The following JAKMIP2 variants were observed in gnomAD, a reference collection of about 807,000 sequenced individuals.
The protein encoded by JAKMIP2 is janus kinase and microtubule-interacting protein 2.
JAKMIP2 carries 25 observed loss-of-function variants against 115.0 expected under a neutral mutation model. The observed-to-expected ratio is 0.22, with a 90% CI of 0.16 to 0.30. JAKMIP2 has a LOEUF of 0.30. Among genes scored for constraint, JAKMIP2 ranks in the 10% least tolerant of loss-of-function variants. JAKMIP2 has a pLI of 1.00. For synonymous variants in JAKMIP2, 334 were observed against 343.6 expected (o/e 0.97, Z 0.31); for missense variants, 642 against 957.6 (o/e 0.67, Z 4.35).
At chr5:147,736,364 G>T (rs538509853) in intron 1 of JAKMIP2, among the ~76,000 whole-genome samples, 1 of 152,116 alleles carries the variant, frequency 6.6e-6, no homozygotes, top group East Asian at 1.9e-4. Context: ...GAGAGGCTGA[G>T]GTAAAACTGC....
chr5:147,715,223 A>G (rs908755232), intron 1 of JAKMIP2, among the ~76,000 whole-genome samples: 5 of 152,114 alleles, frequency 3.3e-5, no homozygotes, highest in African/African-American at 1.2e-4. Context: ...AAATAAATCA[A>G]TAAAGGAACG....
chr5:147,626,646 C>CTTGGTTCTGATAAGCACAGTTG lies in JAKMIP2; in HGVS notation c.1995+2083_1995+2104dup, dbSNP rs1554073845. The stretch of plus-strand genomic sequence containing the variant: ...ATCTCAAAAGGAGCACTGCGCAAGT[C>CTTGGTTCTGATAAGCACAGTTG]TTGGTTCTGATAAGCACAGTTGTTG... On this transcript the variant is annotated intron_variant, in intron 16 of 21. Transcript: ENST00000616793. 2.0e-5 allele frequency among the ~76,000 whole-genome samples: 3 copies of CTTGGTTCTGATAAGCACAGTTG among 152,340 alleles called. No individual in the cohort carries two copies. In the East Asian group the frequency reaches 5.8e-4, roughly 29 times the overall value.
intron 1 of JAKMIP2, among the ~76,000 whole-genome samples, chr5:147,768,717 T>C (rs1376733287): frequency 6.6e-6 from 1 of 152,160 alleles, no homozygotes; most frequent in African/African-American, 2.4e-5. Context: ...TAATTCACAC[T>C]CTGCTTTTAC....
In JAKMIP2 at chr5:147,718,683, C is replaced by T. The variant is rs185830476; in HGVS notation, c.-148-46729G>A. 8.2e-3 allele frequency among the ~76,000 whole-genome samples: 1,242 copies of T among 152,136 alleles called. 25 individuals are homozygous for T. The highest frequency in any genetic ancestry group is 0.028 in the African/African-American group (1,169 of 41,462). On this transcript the variant is annotated intron_variant, in intron 1 of 21. Coordinates refer to ENST00000616793, the MANE Select transcript of JAKMIP2 (RefSeq NM_001270941.2). ...ATGGTAGTTTGTATTTCTGTGGGATCGGTCGTGATATCCCCTTTAGCATTT... is the reference window on the plus strand; with the variant it reads ...ATGGTAGTTTGTATTTCTGTGGGATTGGTCGTGATATCCCCTTTAGCATTT...
At chr5:147,650,267 TA>T in intron 4 of JAKMIP2, 70 bp downstream of exon 4, 2 of 958,270 alleles carry the variant, frequency 2.1e-6, no homozygotes, top group Non-Finnish European at 3.4e-6. Flanking sequence ...AGAGCTTAAG[TA>T]AAAGGTAAAA....
At chr5:147,614,758 T>C (rs998310551) in intron 19 of JAKMIP2, among the ~76,000 whole-genome samples, 2 of 152,222 alleles carry the variant, frequency 1.3e-5, no homozygotes, top group Non-Finnish European at 2.9e-5. Context: ...GGCCCTTTCT[T>C]AGCTCTGCAA....
intron 1 of JAKMIP2, among the ~76,000 whole-genome samples, chr5:147,695,527 T>C (rs766496964): frequency 4.6e-5 from 7 of 152,182 alleles, no homozygotes; most frequent in Non-Finnish European, 7.3e-5. Context: ...ACTTCTCCAA[T>C]AGTAGCATCC....
intron 1 of JAKMIP2, among the ~76,000 whole-genome samples, chr5:147,771,224 A>T (rs747415129): frequency 4.6e-5 from 7 of 152,152 alleles, no homozygotes; most frequent in Non-Finnish European, 1.0e-4. Flanking sequence ...TTAAGGTCAG[A>T]ATCTCGTTCC....
chr5:147,701,119 A>G (rs1388368281), intron 1 of JAKMIP2, among the ~76,000 whole-genome samples: 1 of 152,208 alleles, frequency 6.6e-6, no homozygotes, highest in Non-Finnish European at 1.5e-5. Flanking sequence ...CATAAAGGAA[A>G]AAGTCTCAAA....
Position 147,677,988 on chromosome 5 carries a change from C to G in JAKMIP2, c.-148-6034G>C, listed in dbSNP as rs116415595. 9.3e-3 allele frequency among the ~76,000 whole-genome samples: 1,410 copies of G among 152,192 alleles called. 17 individuals are homozygous for G. Among genetic ancestry groups the G allele is most frequent in the Middle Eastern group, 0.027 (8 of 294 alleles). ...CAACATCTCTCTATTCTTCCCTCCC[C>G]ACCTGCTCCTCACCTTTTTTTTGTT... On this transcript the variant is annotated intron_variant, in intron 1 of 21. Transcript: ENST00000616793.
chr5:147,744,573 T>G (rs1304942373), intron 1 of JAKMIP2, among the ~76,000 whole-genome samples: 1 of 152,214 alleles, frequency 6.6e-6, no homozygotes, highest in Non-Finnish European at 1.5e-5. Context: ...TACAGAGCAA[T>G]ATCAGTGTGC....
At chr5:147,599,527 A>G (rs1319861722) in intron 21 of JAKMIP2, among the ~76,000 whole-genome samples, 1 of 152,210 alleles carries the variant, frequency 6.6e-6, no homozygotes, top group Non-Finnish European at 1.5e-5. Context: ...ACAGACAATT[A>G]CTAAGTGTCA....
chr5:147,626,922 T>C (rs1757123355), intron 16 of JAKMIP2, among the ~76,000 whole-genome samples: 1 of 152,214 alleles, frequency 6.6e-6, no homozygotes, highest in African/African-American at 2.4e-5. Flanking sequence ...CATTGCCAGA[T>C]GATAGCAGCA....
chr5:147,593,788 G>C, intron 21 of JAKMIP2, among the ~76,000 whole-genome samples: 1 of 152,164 alleles, frequency 6.6e-6, no homozygotes, highest in African/African-American at 2.4e-5. Flanking sequence ...ACTGGGATGA[G>C]AGCCCCAAAT....
chr5:147,765,792 T>A (rs1434062032), intron 1 of JAKMIP2, among the ~76,000 whole-genome samples: 4 of 152,142 alleles, frequency 2.6e-5, no homozygotes, highest in Admixed American at 2.6e-4. Flanking sequence ...TATATTTCCT[T>A]CAGGTCTTTT....
At chr5:147,659,089 G>C (rs1443811346) in intron 3 of JAKMIP2, among the ~76,000 whole-genome samples, 1 of 135,276 alleles carries the variant, frequency 7.4e-6, no homozygotes, top group Non-Finnish European at 1.5e-5. Context: ...CATCGCTGGA[G>C]TATGAAAAAA....
At chr5:147,630,129 T>C (rs971312333) in intron 14 of JAKMIP2, among the ~76,000 whole-genome samples, 7 of 151,948 alleles carry the variant, frequency 4.6e-5, no homozygotes, top group African/African-American at 1.5e-4. Context: ...GGCTTTCAGG[T>C]ATAAAAAAGT....
In JAKMIP2 at chr5:147,637,565, A is replaced by C. The variant is rs547778952; in HGVS notation, c.1531-517T>G. Reference sequence around the variant, plus strand: ...AGCAATTCTCCCGCTTCAGCCTCCCAAATAGCTTGGATTACAGGCACCGGC... The same window carrying C: ...AGCAATTCTCCCGCTTCAGCCTCCCCAATAGCTTGGATTACAGGCACCGGC... On this transcript the variant is annotated intron_variant, in intron 10 of 21. Transcript: ENST00000616793. Among the ~76,000 whole-genome samples, 4 of 150,712 alleles carry C rather than the reference A, an allele frequency of 2.7e-5. No homozygotes were observed. The East Asian group carries it at 6.0e-4, about 23-fold the overall frequency.
intron 1 of JAKMIP2, among the ~76,000 whole-genome samples, chr5:147,728,232 T>C (rs1333647148): frequency 6.6e-6 from 1 of 152,174 alleles, no homozygotes; most frequent in East Asian, 1.9e-4. Context: ...AAGCATGCTC[T>C]TGGCCATCTG....
Sources: gnomAD v4.1 joint callset for allele counts (sites outside exome capture counted in the v4.1 genomes callset) on GRCh38, gnomAD v4.1.1 for gene constraint, MANE v1.5 for transcripts, NCBI Gene and HGNC (gene_info 2026-07-23, HGNC 2026-07-21) for gene names.